Variants in SORCS2 observed in about 807,000 individuals in gnomAD.
SORCS2 encodes the protein VPS10 domain-containing receptor SorCS2.
Under a neutral mutation model 141.6 loss-of-function variants are expected in SORCS2, and 100 were observed. The observed-to-expected ratio is 0.71, with a 90% CI of 0.60 to 0.83. SORCS2 has a LOEUF of 0.83. Among genes scored for constraint, SORCS2 ranks in the 40% least tolerant of loss-of-function variants. The pLI is 0.00. For missense variants in SORCS2, 1,646 were observed against 1,560.2 expected (o/e 1.05, Z -0.93); for synonymous variants, 789 against 676.9 (o/e 1.17, Z -2.57).
At chr4:7,712,391 C>A (rs1222943862) in intron 14 of SORCS2, among the ~76,000 whole-genome samples, 2 of 152,230 alleles carry the variant, frequency 1.3e-5, no homozygotes, top group African/African-American at 4.8e-5. Context: ...CTGTGGGGGC[C>A]GTGGAAGGGC....
intron 2 of SORCS2, among the ~76,000 whole-genome samples, chr4:7,459,772 C>T (rs1196904640): frequency 6.6e-6 from 1 of 152,192 alleles, no homozygotes; most frequent in African/African-American, 2.4e-5. Flanking sequence ...TCTGGGATGT[C>T]GCCTGGTTGG....
At chr4:7,535,951 G>A (rs1248232645) in intron 3 of SORCS2, among the ~76,000 whole-genome samples, 3 of 152,336 alleles carry the variant, frequency 2.0e-5, no homozygotes, top group African/African-American at 4.8e-5. Flanking sequence ...GATGGGAACC[G>A]GGGCAGCGAT....
chr4:7,333,076 T>C (rs1577410034), intron 1 of SORCS2, among the ~76,000 whole-genome samples: 1 of 152,314 alleles, frequency 6.6e-6, no homozygotes, highest in African/African-American at 2.4e-5. Flanking sequence ...TTGGCTGTGG[T>C]CGTCACAGCA....
chr4:7,695,303 A>ATGG (rs1724532652), intron 11 of SORCS2, among the ~76,000 whole-genome samples: 3 of 9,452 alleles, frequency 3.2e-4, no homozygotes, highest in African/African-American at 4.4e-4. Flanking sequence ...TGGATGGGTG[A>ATGG]GTGAATGGGT....
At chr4:7,504,667 G>A (rs1371558990) in intron 2 of SORCS2, among the ~76,000 whole-genome samples, 4 of 152,208 alleles carry the variant, frequency 2.6e-5, no homozygotes, top group Non-Finnish European at 5.9e-5. Context: ...GGAGGGCTCT[G>A]AGCTTGTTAA....
chr4:7,293,173 G>A (rs971997208), intron 1 of SORCS2, among the ~76,000 whole-genome samples: 2 of 152,006 alleles, frequency 1.3e-5, no homozygotes, highest in South Asian at 2.1e-4. Flanking sequence ...GCATGGTGGC[G>A]GGCACCTGTA....
At chr4:7,574,436 C>G (rs977559523) in intron 3 of SORCS2, among the ~76,000 whole-genome samples, 12 of 152,222 alleles carry the variant, frequency 7.9e-5, no homozygotes, top group Non-Finnish European at 1.5e-4. Context: ...CGTGTTCTTC[C>G]AGCTCTCGCC....
At chr4:7,217,610 C>T (rs573397836) in intron 1 of SORCS2, among the ~76,000 whole-genome samples, 1 of 152,290 alleles carries the variant, frequency 6.6e-6, no homozygotes, top group East Asian at 1.9e-4. Context: ...AAGGCAGTTC[C>T]CCAGGGTGGG....
chr4:7,376,132 C>T (rs369964666), intron 1 of SORCS2, among the ~76,000 whole-genome samples: 16 of 152,238 alleles, frequency 1.1e-4, no homozygotes, highest in African/African-American at 3.9e-4. Flanking sequence ...TCTGCATCTC[C>T]ATTCACGCTG....
chr4:7,245,428 A>G (rs1713018452), intron 1 of SORCS2, among the ~76,000 whole-genome samples: 1 of 152,236 alleles, frequency 6.6e-6, no homozygotes, highest in African/African-American at 2.4e-5. Flanking sequence ...TGGAACAATT[A>G]GGTTAGCACA....
At chr4:7,503,902 G>T (rs1351783490) in intron 2 of SORCS2, among the ~76,000 whole-genome samples, 1 of 152,184 alleles carries the variant, frequency 6.6e-6, no homozygotes, top group East Asian at 1.9e-4. Context: ...CAGCGTCGGG[G>T]GGCTGAGGTT....
intron 1 of SORCS2, among the ~76,000 whole-genome samples, chr4:7,197,622 G>T (rs912244405): frequency 2.6e-5 from 4 of 152,200 alleles, no homozygotes; most frequent in Non-Finnish European, 5.9e-5. Flanking sequence ...AGCAAGGTCT[G>T]GGGGGTAGGA....
rs1329795166 is a variant in SORCS2 at position 7,724,004 on chromosome 4, A to T, written c.2611+121A>T. On this transcript the variant is annotated intron_variant, in intron 19 of 26. Coordinates refer to ENST00000507866, the MANE Select transcript of SORCS2 (RefSeq NM_020777.3). ...AGGCCCCTGGTACTCAGGACGGTGA[A>T]CCCGAGGGCAGGGAGGCAGGGAGGC... The T allele has an allele frequency of 3.3e-6, 4 of 1,211,518 alleles. No individual in the cohort carries two copies. The African/African-American group carries it at 6.1e-5, about 19-fold the overall frequency. The allele number at this position is 1,211,518 out of a possible 1,614,324, so 75.0% of individuals were successfully genotyped here. A position where few individuals can be genotyped will look rare whatever the true frequency, so the allele number is the denominator to read the frequency against.
intron 1 of SORCS2, among the ~76,000 whole-genome samples, chr4:7,222,342 G>T (rs1359719672): frequency 6.6e-6 from 1 of 152,170 alleles, no homozygotes; most frequent in Non-Finnish European, 1.5e-5. Flanking sequence ...GATACGTGAT[G>T]AACCTTGAAA....
At chr4:7,218,761 C>T (rs1728523198) in intron 1 of SORCS2, among the ~76,000 whole-genome samples, 1 of 152,170 alleles carries the variant, frequency 6.6e-6, no homozygotes, top group African/African-American at 2.4e-5. Flanking sequence ...CGATGAATCC[C>T]GATAGGAATG....
Position 7,374,119 on chromosome 4 carries a change from CTTTCTTTCCCTCTTTCTTTCTTTCT to C in SORCS2, c.481-22166_481-22142del, listed in dbSNP as rs1722458782. 2.2e-4 allele frequency among the ~76,000 whole-genome samples: 4 copies of C among 18,070 alleles called. No individual in the cohort carries two copies. The South Asian group carries it at 5.9e-3, about 27-fold the overall frequency. The allele number at this position is 18,070 out of a possible 152,430, so 11.9% of individuals were successfully genotyped here. A position where few individuals can be genotyped will look rare whatever the true frequency, so the allele number is the denominator to read the frequency against. On this transcript the variant is annotated intron_variant, in intron 1 of 26. Coordinates refer to ENST00000507866, the MANE Select transcript of SORCS2 (RefSeq NM_020777.3). ...AGGTTAGGATTGAGATTCTTTCTTT[CTTTCTTTCCCTCTTTCTTTCTTTCT>C]TTCTTTCTTTCTTTCTTTCTTTCTT...
chr4:7,566,729 G>A (rs1022468112), intron 3 of SORCS2, among the ~76,000 whole-genome samples: 6 of 152,260 alleles, frequency 3.9e-5, no homozygotes, highest in Admixed American at 1.3e-4. Flanking sequence ...CAGCCAACTG[G>A]CTAGAGCTAG....
intron 2 of SORCS2, among the ~76,000 whole-genome samples, chr4:7,461,618 G>A (rs902233473): frequency 6.6e-6 from 1 of 152,168 alleles, no homozygotes; most frequent in East Asian, 1.9e-4. Context: ...TGCATGATCC[G>A]AGGAGCGTAG....
At chr4:7,454,724 GTGTGTTGGGGTCAGGTGC>G in intron 2 of SORCS2, among the ~76,000 whole-genome samples, 1 of 112,622 alleles carries the variant, frequency 8.9e-6, no homozygotes, top group African/African-American at 3.5e-5. Flanking sequence ...GTCAGGAGCT[GTGTGTTGGGGTCAGGTGC>G]TGTGTTGGGG....
Sources: allele counts gnomAD v4.1 joint callset (sites outside exome capture counted in the v4.1 genomes callset), GRCh38; gene constraint gnomAD v4.1.1; transcripts MANE v1.5; gene names NCBI Gene and HGNC (gene_info 2026-07-23, HGNC 2026-07-21).